PDS5B: variants seen among roughly 807,000 people sequenced by gnomAD.
PDS5B encodes sister chromatid cohesion protein PDS5 homolog B.
PDS5B carries 51 observed loss-of-function variants against 184.1 expected under a neutral mutation model. The observed-to-expected ratio is 0.28, with a 90% confidence interval of 0.22 to 0.35. PDS5B has a LOEUF of 0.35. PDS5B is among the 10% of genes least tolerant of loss of function. The probability of loss-of-function intolerance (pLI) is 1.00; values close to 1 mark genes in which losing one functional copy is unlikely to be tolerated. For missense variants in PDS5B, 1,180 were observed against 1,723.3 expected, an observed-to-expected ratio of 0.68 and a Z score of 5.58; for synonymous variants, 566 against 569.2, an observed-to-expected ratio of 0.99 and a Z score of 0.08.
intron 11 of PDS5B, among the ~76,000 whole-genome samples, chr13:32,685,115 A>G (rs1244574391): frequency 1.3e-5 from 2 of 152,192 alleles, no homozygotes; most frequent in Admixed American, 6.5e-5. Flanking sequence ...CTCCGTCTCA[A>G]AAAAAACATT....
chr13:32,761,885 G>C (rs1954413976), intron 30 of PDS5B, among the ~76,000 whole-genome samples: 1 of 152,182 alleles, frequency 6.6e-6, no homozygotes, highest in Non-Finnish European at 1.5e-5. Context: ...TCTCCAAACT[G>C]TTTTCCATAG....
chr13:32,753,773 A>G (rs1332922510), intron 25 of PDS5B, among the ~76,000 whole-genome samples: 7 of 152,224 alleles, frequency 4.6e-5, no homozygotes, highest in Admixed American at 2.6e-4. Context: ...AAAATAAACA[A>G]TGACATTGGA....
At chr13:32,592,153 T>G (rs2057785935) in intron 1 of PDS5B, among the ~76,000 whole-genome samples, 1 of 152,220 alleles carries the variant, frequency 6.6e-6, no homozygotes, top group African/African-American at 2.4e-5. Context: ...TCATTTCATT[T>G]TTATTCATAC....
intron 21 of PDS5B, among the ~76,000 whole-genome samples, chr13:32,736,792 A>T (rs1455136984): frequency 1.3e-5 from 2 of 151,768 alleles, no homozygotes; most frequent in Admixed American, 6.6e-5. Context: ...TGTGTGACAC[A>T]CTTTTGTGTA....
At chr13:32,647,040 T>A (rs1593327640) in intron 1 of PDS5B, among the ~76,000 whole-genome samples, 1 of 152,214 alleles carries the variant, frequency 6.6e-6, no homozygotes, top group Admixed American at 6.5e-5. Context: ...TTATTATTAT[T>A]TTAAATTTAA....
chr13:32,669,677 A>G (rs1434233845), intron 7 of PDS5B, among the ~76,000 whole-genome samples: 2 of 152,110 alleles, frequency 1.3e-5, no homozygotes, highest in Non-Finnish European at 2.9e-5. Context: ...GAACTCCCCA[A>G]ACTTTCATAT....
chr13:32,764,437 G>T, intron 30 of PDS5B, 52 bp from the exon 31 acceptor site: 1 of 1,151,208 alleles, frequency 8.7e-7, no homozygotes, highest in Non-Finnish European at 1.2e-6. Context: ...AACAGAAAAA[G>T]CTTGTAAGGT....
chr13:32,626,680 T>TAA (rs1336505947), intron 1 of PDS5B, among the ~76,000 whole-genome samples: 2 of 152,166 alleles, frequency 1.3e-5, no homozygotes, highest in Non-Finnish European at 2.9e-5. Context: ...TTGTGCAACT[T>TAA]ACATCTATTG....
intron 2 of PDS5B, among the ~76,000 whole-genome samples, chr13:32,650,973 T>G (rs1421616975): frequency 6.6e-6 from 1 of 152,226 alleles, no homozygotes; most frequent in Non-Finnish European, 1.5e-5. Flanking sequence ...TGGAGTTGTA[T>G]TTAAATGTCA....
chr13:32,654,802 C>T lies in PDS5B; in HGVS notation c.312+2795C>T, dbSNP rs145498108. Among the ~76,000 whole-genome samples the T allele has an allele frequency of 4.1e-3, 626 of 152,210 alleles. 6 individuals carry two copies. Among genetic ancestry groups the T allele is most frequent in the African/African-American group, 0.014 (580 of 41,532 alleles). On this transcript the variant is annotated intron_variant, in intron 3 of 34. Transcript: ENST00000315596. ...TGTGGTATTTGGTTTTCTCTTCCTG[C>T]ATTTGTTTGCTTAGGATAATGGCTT...
Position 32,699,761 on chromosome 13 carries a change from T to G in PDS5B, c.1632T>G (p.Asp544Glu), listed in dbSNP as rs1951813896. 6.4e-7 allele frequency: 1 copy of G among 1,558,604 alleles called. No individual in the cohort carries two copies. The highest frequency in any genetic ancestry group is 8.6e-7 in the Non-Finnish European group (1 of 1,157,322). ...RNLPDPGKAQ[D>E]FMKKFTQVLE... is the part of the protein sequence containing the mutation. ...TACCTGATCCTGGTAAGGCTCAGGA[T>G]TTCATGAAGAAATTCACACAGGTGT... is the stretch of plus-strand genomic sequence containing the variant. Residue 544 changes from aspartate (D) to glutamate (E), a missense_variant, in exon 16 of 35, where the codon GAT (aspartate) becomes GAG (glutamate). Asp to Glu is a conservative substitution (Grantham distance 45). Around this residue, in one of 11 missense-constraint regions of PDS5B, gnomAD observed 475 missense variants for 691.5 expected, o/e 0.69. Coordinates refer to ENST00000315596, the MANE Select transcript of PDS5B (RefSeq NM_015032.4).
At chr13:32,675,693 A>C (rs1279998022) in intron 8 of PDS5B, 151 bp from the exon 9 acceptor site, 30 of 532,222 alleles carry the variant, frequency 5.6e-5, no homozygotes, top group Non-Finnish European at 5.4e-5. Flanking sequence ...TGTGAAAAGT[A>C]TAGTGAGCAT....
chr13:32,684,201 G>C (rs1280999367), intron 11 of PDS5B, among the ~76,000 whole-genome samples, 178 bp downstream of exon 11: 2 of 151,962 alleles, frequency 1.3e-5, no homozygotes, highest in African/African-American at 2.4e-5. Context: ...ACATTAAATT[G>C]TATCAGTTTT....
In PDS5B at chr13:32,697,872, A is replaced by G. The variant is rs571862840; in HGVS notation, c.1600+970A>G. Among the ~76,000 whole-genome samples, 16 of 152,148 alleles carry G rather than the reference A, an allele frequency of 1.1e-4. No homozygotes were observed. In the South Asian group the frequency reaches 2.5e-3, roughly 24 times the overall value. On this transcript the variant is annotated intron_variant, in intron 15 of 34. Transcript: ENST00000315596. Reference sequence around the variant, plus strand: ...ATTCCATGCATGTATTAACACACCCAGCTAATTTAAAAAATATATTTTTTA... The same window carrying G: ...ATTCCATGCATGTATTAACACACCCGGCTAATTTAAAAAATATATTTTTTA...
chr13:32,621,714 T>G lies in PDS5B; in HGVS notation c.-19-27040T>G, dbSNP rs149105883. ...ATAACATCTAAAATAGCACATTTAT[T>G]GGCATAAAGCAGGACTCAGCAAACT... On this transcript the variant is annotated intron_variant, in intron 1 of 34. Coordinates refer to ENST00000315596, the MANE Select transcript of PDS5B (RefSeq NM_015032.4). Among the ~76,000 whole-genome samples, 1,517 of 152,340 alleles carry G rather than the reference T, an allele frequency of 1.0e-2. 12 individuals are homozygous for G. The highest frequency in any genetic ancestry group is 0.026 in the African/African-American group (1,069 of 41,576).
At chr13:32,641,995 C>T (rs1329119764) in intron 1 of PDS5B, among the ~76,000 whole-genome samples, 1 of 152,116 alleles carries the variant, frequency 6.6e-6, no homozygotes, top group African/African-American at 2.4e-5. Context: ...AGCAAATTCT[C>T]AATAAATATT....
chr13:32,724,890 A>G (rs1364535131), intron 19 of PDS5B, among the ~76,000 whole-genome samples: 1 of 151,874 alleles, frequency 6.6e-6, no homozygotes, highest in African/African-American at 2.4e-5. Flanking sequence ...ATATTTCTTT[A>G]TTTTCTCTAA....
chr13:32,722,544 A>G (rs956311955), intron 19 of PDS5B, among the ~76,000 whole-genome samples: 55 of 152,186 alleles, frequency 3.6e-4, no homozygotes, highest in African/African-American at 1.3e-3. Flanking sequence ...TGAGTAGGCT[A>G]TACCATCTAG....
rs190223633 is a variant in PDS5B, at chr13:32,732,681, A to G, written c.2247+457A>G. 2.6e-5 allele frequency among the ~76,000 whole-genome samples: 4 copies of G among 152,270 alleles called. No individual in the cohort carries two copies. The East Asian group carries it at 7.7e-4, about 29-fold the overall frequency. On this transcript the variant is annotated intron_variant, in intron 20 of 34. Transcript: ENST00000315596. ...ACTGACCTAATTTTGTGTCAGATAT[A>G]AAGTGTCTTTTCAATATATATTTTA...
Sources: gnomAD v4.1 joint callset for allele counts (sites outside exome capture counted in the v4.1 genomes callset) on GRCh38, gnomAD v4.1.1 for gene constraint, gnomAD v4.1.1 regional missense constraint, MANE v1.5 for transcripts, NCBI Gene and HGNC (gene_info 2026-07-23, HGNC 2026-07-21) for gene names.